The following GRIK1 variants were observed in gnomAD, a reference collection of about 807,000 sequenced individuals.
GRIK1 encodes the protein glutamate receptor ionotropic, kainate 1.
A neutral mutation model predicts 105.7 loss-of-function variants in GRIK1; 69 were observed. That is an observed-to-expected ratio of 0.65 (90% CI 0.54 to 0.80). The LOEUF is 0.80. Ranked by LOEUF, GRIK1 falls within the 30% of genes least tolerant of loss-of-function variation. GRIK1 has a pLI of 0.00. For synonymous variants in GRIK1, 438 were observed against 431.3 expected, an observed-to-expected ratio of 1.02 and a Z score of -0.19; for missense variants, 1,109 against 1,167.3, an observed-to-expected ratio of 0.95 and a Z score of 0.73.
intron 1 of GRIK1, among the ~76,000 whole-genome samples, chr21:29,709,150 T>C (rs1309819071): frequency 6.6e-6 from 1 of 152,142 alleles, no homozygotes; most frequent in Non-Finnish European, 1.5e-5. Context: ...AATTGTCATA[T>C]AATTTAATTT....
intron 1 of GRIK1, among the ~76,000 whole-genome samples, chr21:29,825,284 T>A (rs1254704659): frequency 6.6e-6 from 1 of 152,090 alleles, no homozygotes; most frequent in African/African-American, 2.4e-5. Flanking sequence ...GCTGTATTTC[T>A]AAGTTTTAAA....
At chr21:29,559,322 G>A (rs1328671681) in intron 15 of GRIK1, among the ~76,000 whole-genome samples, 1 of 152,108 alleles carries the variant, frequency 6.6e-6, no homozygotes, top group African/African-American at 2.4e-5. Flanking sequence ...AAGCTTGCTT[G>A]GGGCAATAGG....
intron 1 of GRIK1, among the ~76,000 whole-genome samples, chr21:29,738,565 G>A (rs571242856): frequency 6.6e-6 from 1 of 152,270 alleles, no homozygotes; most frequent in African/African-American, 2.4e-5. Flanking sequence ...AAAATAAATT[G>A]TATGGAAACA....
intron 1 of GRIK1, among the ~76,000 whole-genome samples, chr21:29,846,002 T>C (rs868370145): frequency 6.6e-6 from 1 of 152,180 alleles, no homozygotes; most frequent in African/African-American, 2.4e-5. Flanking sequence ...GGTTGTATGC[T>C]GTATGGTCAC....
chr21:29,563,152 C>G (rs1469535750), intron 14 of GRIK1, among the ~76,000 whole-genome samples: 1 of 152,166 alleles, frequency 6.6e-6, no homozygotes, highest in African/African-American at 2.4e-5. Context: ...AGACAAATCC[C>G]TTGGCAGGCA....
At position 29,569,944 on chromosome 21, in the gene GRIK1, A is replaced by G. The variant is rs2090701714; in HGVS notation, c.2130+7020T>C. 2.0e-5 allele frequency among the ~76,000 whole-genome samples: 3 copies of G among 152,186 alleles called. No individual in the cohort carries two copies. The South Asian group carries it at 6.2e-4, about 32-fold the overall frequency. Reference sequence around the variant, plus strand: ...GTTGTCTTGGATATAAAAGATGGAAATAGGTCATGTAGCCCCTAGGAAAGC... The same window carrying G: ...GTTGTCTTGGATATAAAAGATGGAAGTAGGTCATGTAGCCCCTAGGAAAGC... On this transcript the variant is annotated intron_variant, in intron 14 of 17. Coordinates refer to ENST00000327783, the MANE Select transcript of GRIK1 (RefSeq NM_001330994.2).
intron 1 of GRIK1, among the ~76,000 whole-genome samples, chr21:29,763,084 C>T (rs559668388): frequency 6.6e-6 from 1 of 152,288 alleles, no homozygotes; most frequent in African/African-American, 2.4e-5. Flanking sequence ...GTGTCCCCAC[C>T]TAAATCTCAT....
intron 15 of GRIK1, among the ~76,000 whole-genome samples, chr21:29,560,490 T>TC (rs1422556779): frequency 8.8e-5 from 5 of 56,684 alleles, no homozygotes; most frequent in African/African-American, 2.8e-4. Context: ...TCCCTTTCTT[T>TC]CTTTCTTTCC....
In GRIK1 at chr21:29,888,161, T is replaced by TTTTCTTTCTTTCTTTCTTTC. The variant is rs11436370; in HGVS notation, c.118+51202_118+51221dup. 6.8e-3 allele frequency among the ~76,000 whole-genome samples: 50 copies of TTTTCTTTCTTTCTTTCTTTC among 7,306 alleles called. 4 individuals carry two copies. Among genetic ancestry groups the TTTTCTTTCTTTCTTTCTTTC allele is most frequent in the African/African-American group, 0.014 (48 of 3,316 alleles). 4.8% of individuals were successfully genotyped at this position (7,306 alleles called of 152,430 possible). A position where few individuals can be genotyped will look rare whatever the true frequency, so the allele number is the denominator to read the frequency against. ...TCCCTCCCTCCCTCCCTCCTTTCTTTTTTCTTTCTTTCTTTCTTTCTTCCT... is the reference window on the plus strand; with the variant it reads ...TCCCTCCCTCCCTCCCTCCTTTCTTTTTTCTTTCTTTCTTTCTTTCTTTCTTTCTTTCTTTCTTTCTTCCT... On this transcript the variant is annotated intron_variant, in intron 1 of 17. Transcript: ENST00000327783.
rs533863518 is a variant in GRIK1, at chr21:29,846,836, G to T, written c.118+92547C>A. Among the ~76,000 whole-genome samples the T allele has an allele frequency of 2.0e-5, 3 of 151,536 alleles. No individual in the cohort carries two copies. The East Asian group carries it at 5.8e-4, about 29-fold the overall frequency. On this transcript the variant is annotated intron_variant, in intron 1 of 17. Transcript: ENST00000327783. Reference sequence around the variant, plus strand: ...TTTTCTTGTGTTTTTTTGTTCGTTTGTTTCCTTCATTATAAAATTTTTTCT... The same window carrying T: ...TTTTCTTGTGTTTTTTTGTTCGTTTTTTTCCTTCATTATAAAATTTTTTCT...
intron 16 of GRIK1, among the ~76,000 whole-genome samples, chr21:29,550,642 T>A (rs1052657371): frequency 2.6e-5 from 4 of 152,202 alleles, no homozygotes; most frequent in Non-Finnish European, 4.4e-5. Context: ...GCCATTGATT[T>A]GTAATGCTTG....
At chr21:29,893,258 A>C (rs2069973937) in intron 1 of GRIK1, among the ~76,000 whole-genome samples, 1 of 152,094 alleles carries the variant, frequency 6.6e-6, no homozygotes, top group East Asian at 1.9e-4. Context: ...TTTTTTATTT[A>C]TTATCTGGGT....
chr21:29,611,049 G>C (rs1258618408), intron 7 of GRIK1, among the ~76,000 whole-genome samples: 1 of 152,068 alleles, frequency 6.6e-6, no homozygotes, highest in African/African-American at 2.4e-5. Context: ...TGACACAATA[G>C]GGAACTGCTG....
chr21:29,596,596 A>T (rs372810146), intron 8 of GRIK1, 26 bp from the exon 9 acceptor site: 6 of 1,552,488 alleles, frequency 3.9e-6, no homozygotes, highest in Non-Finnish European at 5.3e-6. Flanking sequence ...GAAAAATAAA[A>T]TAAAAACAGC....
At chr21:29,876,589 G>A (rs931910372) in intron 1 of GRIK1, among the ~76,000 whole-genome samples, 10 of 151,890 alleles carry the variant, frequency 6.6e-5, no homozygotes, top group Admixed American at 2.0e-4. Flanking sequence ...ACATTGCATC[G>A]CCCAGGGAAA....
chr21:29,832,720 G>T (rs545663439), intron 1 of GRIK1, among the ~76,000 whole-genome samples: 5 of 152,270 alleles, frequency 3.3e-5, no homozygotes, highest in African/African-American at 1.2e-4. Flanking sequence ...TTCTCTCCCA[G>T]CCCTCTGGGC....
At chr21:29,717,866 C>T (rs1283538342) in intron 1 of GRIK1, among the ~76,000 whole-genome samples, 1 of 152,118 alleles carries the variant, frequency 6.6e-6, no homozygotes, top group Non-Finnish European at 1.5e-5. Flanking sequence ...GCTGTGTCCC[C>T]ACTCAAATCT....
Position 29,732,353 on chromosome 21 carries a change from C to T in GRIK1, c.119-38290G>A, listed in dbSNP as rs370488918. ...TCAAATTGATAATGGCACACATTAT[C>T]CACCTTCCATTGCTGCAGTCACTGT... On this transcript the variant is annotated intron_variant, in intron 1 of 17. Coordinates refer to ENST00000327783, the MANE Select transcript of GRIK1 (RefSeq NM_001330994.2). Among the ~76,000 whole-genome samples, 26 of 152,272 alleles carry T rather than the reference C, an allele frequency of 1.7e-4. No homozygotes were observed. In the East Asian group the frequency reaches 1.7e-3, roughly 10 times the overall value.
intron 1 of GRIK1, among the ~76,000 whole-genome samples, chr21:29,862,717 A>G (rs140449461): frequency 0.01 from 1,556 of 152,340 alleles, 26 homozygotes; most frequent in African/African-American, 0.036. Flanking sequence ...GAGAGGAAGC[A>G]ATAGCAAACA....
Sources: gnomAD v4.1 joint callset for allele counts (sites outside exome capture counted in the v4.1 genomes callset) on GRCh38, gnomAD v4.1.1 for gene constraint, MANE v1.5 for transcripts, NCBI Gene and HGNC (gene_info 2026-07-23, HGNC 2026-07-21) for gene names.